MFAP5: variants seen among roughly 807,000 people sequenced by gnomAD.
MFAP5 encodes the protein microfibrillar-associated protein 5.
MFAP5 carries 19 observed loss-of-function variants against 30.1 expected under a neutral mutation model. That is an observed-to-expected ratio of 0.63 (90% CI 0.44 to 0.93). The LOEUF is 0.93. Among genes scored for constraint, MFAP5 ranks in the 40% least tolerant of loss-of-function variants. The pLI is 0.00. For synonymous variants in MFAP5, 92 were observed against 72.9 expected, an observed-to-expected ratio of 1.26 and a Z score of -1.33; for missense variants, 210 against 221.3, an observed-to-expected ratio of 0.95 and a Z score of 0.32.
chr12:8,652,805 A>C (rs34470474), intron 6 of MFAP5, among the ~76,000 whole-genome samples: 9,656 of 152,246 alleles, frequency 0.063, 316 homozygotes, highest in Middle Eastern at 0.11. Context: ...TTCAATGTAT[A>C]TCCAACAGAC....
rs145223769 is a variant in MFAP5, at chr12:8,653,495, C to T, written c.217+942G>A. 3.4e-4 allele frequency among the ~76,000 whole-genome samples: 52 copies of T among 152,236 alleles called. No individual in the cohort carries two copies. In the East Asian group the frequency reaches 9.8e-3, roughly 29 times the overall value. On this transcript the variant is annotated intron_variant, in intron 6 of 9. Transcript: ENST00000359478. ...CATAAACGTCTCTCTGGTTGGTTTT[C>T]GTGTCCACCCTACACCTTTTGATTT...
At position 8,655,426 on chromosome 12, in the gene MFAP5, G is replaced by A. The variant is rs952892229; in HGVS notation, c.161C>T (p.Thr54Ile). 10 of 1,605,414 alleles carry A rather than the reference G, an allele frequency of 6.2e-6. No individual in the cohort carries two copies. The highest frequency in any genetic ancestry group is 1.7e-4 in the Middle Eastern group (1 of 6,008). ...EDPNLVNDPATDETVLAVLAD... is the reference protein window; with the variant it reads ...EDPNLVNDPAIDETVLAVLAD... Reference sequence around the variant, plus strand: ...GCGGTAAAATTTACCTGTTTCATCTGTAGCGGGATCATTCACCAGATCTGC... The same window carrying A: ...GCGGTAAAATTTACCTGTTTCATCTATAGCGGGATCATTCACCAGATCTGC... The change falls in exon 5 of 10, where the codon ACA becomes ATA. Residue 54 changes from threonine (T) to isoleucine (I), a missense_variant. Thr to Ile is a moderately conservative substitution (Grantham distance 89, BLOSUM62 -1). Transcript: ENST00000359478.
intron 8 of MFAP5, 157 bp downstream of exon 8, chr12:8,650,345 G>A (rs937305101): frequency 1.5e-6 from 1 of 655,098 alleles, no homozygotes; most frequent in Non-Finnish European, 2.7e-6. Flanking sequence ...CCATACTCCA[G>A]GTTCTAGTTG....
At chr12:8,651,856 T>G in intron 6 of MFAP5, 165 bp from the exon 7 acceptor site, 1 of 631,590 alleles carries the variant, frequency 1.6e-6, no homozygotes. Flanking sequence ...TTGAGCTGAT[T>G]TGCTCCACAA....
intron 9 of MFAP5, chr12:8,648,538 A>G (rs751708262): frequency 1.8e-5 from 23 of 1,286,974 alleles, no homozygotes; most frequent in Middle Eastern, 2.1e-4. Context: ...CCAGCTGCCA[A>G]TTCTTCTAAT....
intron 4 of MFAP5, 88 bp downstream of exon 4, chr12:8,655,698 A>C (rs1314935853): frequency 6.8e-7 from 1 of 1,475,114 alleles, no homozygotes; most frequent in African/African-American, 1.4e-5. Context: ...AACCCTTCTG[A>C]AGTCTTTATT....
chr12:8,656,059 CTTTTTTTTTT>C (rs11359613), intron 3 of MFAP5, among the ~76,000 whole-genome samples: 3 of 113,888 alleles, frequency 2.6e-5, no homozygotes, highest in African/African-American at 1.0e-4. Context: ...ATTCATAATT[CTTTTTTTTTT>C]TTTTTTTTTG....
At chr12:8,651,028 G>A (rs1457806664) in intron 7 of MFAP5, among the ~76,000 whole-genome samples, 1 of 152,058 alleles carries the variant, frequency 6.6e-6, no homozygotes, top group African/African-American at 2.4e-5. Context: ...TTAGCCAGGA[G>A]TGGTGGCAGT....
chr12:8,660,047 G>A (rs1591576898), intron 3 of MFAP5, among the ~76,000 whole-genome samples: 3 of 152,192 alleles, frequency 2.0e-5, no homozygotes, highest in East Asian at 3.9e-4. Context: ...GGTCCTCTAG[G>A]GGTCACAACT....
rs1245939531 is a variant in MFAP5, at chr12:8,647,269, A to G, written c.*822T>C. 6.6e-6 allele frequency: 1 copy of G among 152,246 alleles called. No homozygotes were observed. Among genetic ancestry groups the G allele is most frequent in the Non-Finnish European group, 1.5e-5 (1 of 68,038 alleles). 9.4% of individuals were successfully genotyped at this position (152,246 alleles called of 1,614,324 possible). ...ACGTCAACCAATGGTATGATTTCACATTAAGTTGTCTAATTTGCTTTGTGG... is the reference window on the plus strand; with the variant it reads ...ACGTCAACCAATGGTATGATTTCACGTTAAGTTGTCTAATTTGCTTTGTGG... On this transcript the variant is annotated 3_prime_UTR_variant, in exon 10 of 10. Coordinates refer to ENST00000359478, the MANE Select transcript of MFAP5 (RefSeq NM_003480.4).
At chr12:8,660,390 C>T (rs1388951434) in intron 3 of MFAP5, among the ~76,000 whole-genome samples, 2 of 151,654 alleles carry the variant, frequency 1.3e-5, no homozygotes, top group African/African-American at 4.8e-5. Flanking sequence ...TCTCCCTGTG[C>T]TGCCCAGTTT....
At position 8,656,647 on chromosome 12, in the gene MFAP5, C is replaced by CATAT. The variant is rs1251493031; in HGVS notation, c.95-818_95-817insATAT. Among the ~76,000 whole-genome samples, 7 of 122,472 alleles carry CATAT rather than the reference C, an allele frequency of 5.7e-5. No homozygotes were observed. In the South Asian group the frequency reaches 1.6e-3, roughly 29 times the overall value. 80.3% of individuals were successfully genotyped at this position (122,472 alleles called of 152,430 possible). On this transcript the variant is annotated intron_variant, in intron 3 of 9. Transcript: ENST00000359478. ...ACATACACACACACACACACACACA[C>CATAT]ACATATATATATATATATATATTTT...
chr12:8,654,241 GAA>G, intron 6 of MFAP5, 194 bp downstream of exon 6: 1 of 484,538 alleles, frequency 2.1e-6, no homozygotes, highest in Non-Finnish European at 3.6e-6. Flanking sequence ...AACTTTGAGA[GAA>G]AGATTAGCAC....
chr12:8,646,993 A>C lies in MFAP5; in HGVS notation c.*1098T>G, dbSNP rs1941696684. On this transcript the variant is annotated 3_prime_UTR_variant, in exon 10 of 10. Coordinates refer to ENST00000359478, the MANE Select transcript of MFAP5 (RefSeq NM_003480.4). The stretch of plus-strand genomic sequence containing the variant: ...GATGAGGAAATTAAACCAGGACCTA[A>C]TGAAGGAAAATGGCTTATCCAAGGC... 6.6e-6 allele frequency: 1 copy of C among 152,186 alleles called. No individual in the cohort carries two copies. The highest frequency in any genetic ancestry group is 1.5e-5 in the Non-Finnish European group (1 of 68,038). 9.4% of individuals were successfully genotyped at this position (152,186 alleles called of 1,614,324 possible).
intron 9 of MFAP5, among the ~76,000 whole-genome samples, 192 bp downstream of exon 9, chr12:8,649,309 A>G (rs1335224339): frequency 2.0e-5 from 3 of 150,266 alleles, no homozygotes; most frequent in African/African-American, 7.6e-5. Context: ...TCTTAGGGTT[A>G]TGTTTGTATA....
rs759096192 is a variant in MFAP5, at chr12:8,646,136, C to T, written c.*1955G>A. ...GAAACTCTGTGCCTATGAGGTTTCT[C>T]TAAAGTGGCTAAAATATGCATTTAA... On this transcript the variant is annotated 3_prime_UTR_variant, in exon 10 of 10. Coordinates refer to ENST00000359478, the MANE Select transcript of MFAP5 (RefSeq NM_003480.4). The T allele has an allele frequency of 3.3e-5, 5 of 152,598 alleles. No individual in the cohort carries two copies. Among genetic ancestry groups the T allele is most frequent in the Admixed American group, 6.5e-5 (1 of 15,274 alleles). 9.5% of individuals were successfully genotyped at this position (152,598 alleles called of 1,614,324 possible).
chr12:8,655,480 G>C (rs1343076265), intron 4 of MFAP5, 33 bp from the exon 5 acceptor site: 12 of 1,599,456 alleles, frequency 7.5e-6, no homozygotes, highest in Non-Finnish European at 1.0e-5. Flanking sequence ...ATGAAAAAAT[G>C]CAGTCAGGAA....
intron 9 of MFAP5, among the ~76,000 whole-genome samples, 178 bp downstream of exon 9, chr12:8,649,323 A>G (rs1941766638): frequency 6.7e-6 from 1 of 150,326 alleles, no homozygotes; most frequent in African/African-American, 2.5e-5. Flanking sequence ...TTGTATATCA[A>G]GCATACTGCT....
rs1941692747 is a variant in MFAP5 at position 8,646,797 on chromosome 12, G to C, written c.*1294C>G. On this transcript the variant is annotated 3_prime_UTR_variant, in exon 10 of 10. Transcript: ENST00000359478. ...TTACAGGCACGTGCCACCACGCCCA[G>C]CTAATTTTTGTATTTTTAGTAGAGA... 1 of 152,030 alleles carries C rather than the reference G, an allele frequency of 6.6e-6. No homozygotes were observed. The highest frequency in any genetic ancestry group is 1.5e-5 in the Non-Finnish European group (1 of 68,018). The allele number at this position is 152,030 out of a possible 1,614,324, so 9.4% of individuals were successfully genotyped here. A position where few individuals can be genotyped will look rare whatever the true frequency, so the allele number is the denominator to read the frequency against.
Sources: allele counts gnomAD v4.1 joint callset (sites outside exome capture counted in the v4.1 genomes callset), GRCh38; gene constraint gnomAD v4.1.1; transcripts MANE v1.5; gene names NCBI Gene and HGNC (gene_info 2026-07-23, HGNC 2026-07-21).